Variants in FBXL20 observed in about 807,000 individuals in gnomAD.
FBXL20 encodes the protein F-box/LRR-repeat protein 20.
In FBXL20, 11 loss-of-function variants were observed where a neutral mutation model predicts 64.0. That is an observed-to-expected ratio of 0.17 (90% confidence interval 0.11 to 0.28). The LOEUF is 0.28. Among genes scored for constraint, FBXL20 ranks in the 10% least tolerant of loss-of-function variants. FBXL20 has a pLI of 1.00. For synonymous variants in FBXL20, 184 were observed against 189.0 expected, an observed-to-expected ratio of 0.97 and a Z score of 0.22; for missense variants, 303 against 526.2, an observed-to-expected ratio of 0.58 and a Z score of 4.15.
chr17:39,400,619 A>G (rs2048231897), intron 1 of FBXL20, among the ~76,000 whole-genome samples: 1 of 152,096 alleles, frequency 6.6e-6, no homozygotes, highest in South Asian at 2.1e-4. Flanking sequence ...CAAGATGACT[A>G]CTCTCTAAAG....
intron 1 of FBXL20, among the ~76,000 whole-genome samples, chr17:39,367,670 A>C (rs2047874104): frequency 6.6e-6 from 1 of 151,986 alleles, no homozygotes; most frequent in Non-Finnish European, 1.5e-5. Flanking sequence ...CTTTGACTTT[A>C]CTTCCAAATT....
Position 39,258,433 on chromosome 17 carries a change from C to T in FBXL20, c.*3027G>A, listed in dbSNP as rs1203588753. On this transcript the variant is annotated 3_prime_UTR_variant, in exon 15 of 15. Transcript: ENST00000264658. Reference sequence around the variant, plus strand: ...TTTTCTTGAGAAAGGAACAAGGCTTCTGCCTGACAACATACAAGCCAGTGC... The same window carrying T: ...TTTTCTTGAGAAAGGAACAAGGCTTTTGCCTGACAACATACAAGCCAGTGC... 3 of 152,242 alleles carry T rather than the reference C, an allele frequency of 2.0e-5. No individual in the cohort carries two copies. The highest frequency in any genetic ancestry group is 4.4e-5 in the Non-Finnish European group (3 of 68,054). 9.4% of individuals were successfully genotyped at this position (152,242 alleles called of 1,614,324 possible).
intron 2 of FBXL20, among the ~76,000 whole-genome samples, chr17:39,337,222 G>A (rs964247574): frequency 7.9e-5 from 12 of 152,210 alleles, no homozygotes; most frequent in African/African-American, 2.4e-5. Flanking sequence ...TCCTAACCAC[G>A]AGTGATCCGC....
chr17:39,333,928 G>GT (rs1318371782), intron 2 of FBXL20, among the ~76,000 whole-genome samples: 1 of 151,984 alleles, frequency 6.6e-6, no homozygotes, highest in African/African-American at 2.4e-5. Context: ...CGTCTGGGAA[G>GT]TGAGGAGCCC....
intron 6 of FBXL20, among the ~76,000 whole-genome samples, chr17:39,296,340 C>T (rs1672867495): frequency 6.6e-6 from 1 of 151,916 alleles, no homozygotes; most frequent in Non-Finnish European, 1.5e-5. Flanking sequence ...GTGGGCGGAT[C>T]ACGAGGTCAG....
At chr17:39,344,961 G>A (rs2047618765) in intron 1 of FBXL20, among the ~76,000 whole-genome samples, 1 of 152,010 alleles carries the variant, frequency 6.6e-6, no homozygotes, top group Non-Finnish European at 1.5e-5. Context: ...TACTTTTAAC[G>A]AGAGCCACCA....
chr17:39,340,149 C>T (rs1030768763), intron 2 of FBXL20, among the ~76,000 whole-genome samples: 4 of 151,838 alleles, frequency 2.6e-5, no homozygotes, highest in Admixed American at 1.3e-4. Flanking sequence ...GAGGCTGGAG[C>T]GCGGTGGCGC....
intron 12 of FBXL20, among the ~76,000 whole-genome samples, chr17:39,266,536 G>A (rs987837691): frequency 6.6e-6 from 1 of 152,100 alleles, no homozygotes; most frequent in African/African-American, 2.4e-5. Flanking sequence ...TAGTGGAGAT[G>A]GGGGTTTGCC....
At chr17:39,337,429 G>A (rs1283749022) in intron 2 of FBXL20, among the ~76,000 whole-genome samples, 6 of 151,868 alleles carry the variant, frequency 4.0e-5, no homozygotes, top group Admixed American at 1.3e-4. Context: ...AGTGAGGAGC[G>A]TCTCTGCCTG....
chr17:39,352,141 T>G (rs2047693441), intron 1 of FBXL20, among the ~76,000 whole-genome samples: 1 of 152,294 alleles, frequency 6.6e-6, no homozygotes, highest in Non-Finnish European at 1.5e-5. Flanking sequence ...ATACATTTAT[T>G]TAAATGCTTA....
chr17:39,263,280 C>T (rs1443305116), intron 14 of FBXL20, among the ~76,000 whole-genome samples: 1 of 152,174 alleles, frequency 6.6e-6, no homozygotes. Flanking sequence ...TTCTGAAGGC[C>T]AAGGCAGGCA....
intron 1 of FBXL20, among the ~76,000 whole-genome samples, chr17:39,355,358 A>G (rs1036240878): frequency 4.6e-5 from 7 of 151,740 alleles, no homozygotes; most frequent in African/African-American, 1.7e-4. Flanking sequence ...GATTGCAGGC[A>G]TGAGCCACGA....
At chr17:39,326,224 T>A (rs2047407661) in intron 2 of FBXL20, among the ~76,000 whole-genome samples, 3 of 152,144 alleles carry the variant, frequency 2.0e-5, no homozygotes, top group Admixed American at 2.0e-4. Context: ...CCTCTTTTCT[T>A]TATAAATTAC....
At chr17:39,284,809 A>C (rs538960870) in intron 7 of FBXL20, among the ~76,000 whole-genome samples, 12 of 152,196 alleles carry the variant, frequency 7.9e-5, no homozygotes, top group Non-Finnish European at 1.5e-4. Flanking sequence ...ACCTTGTTAA[A>C]CCTTAATAAA....
At chr17:39,361,670 G>A (rs1019259291) in intron 1 of FBXL20, among the ~76,000 whole-genome samples, 1 of 151,898 alleles carries the variant, frequency 6.6e-6, no homozygotes. Context: ...GGTGGCACGC[G>A]CCTGTAGTCC....
rs550929217 is a variant in FBXL20 at position 39,296,423 on chromosome 17, G to T, written c.398+704C>A. Among the ~76,000 whole-genome samples the T allele has an allele frequency of 3.3e-5, 5 of 152,044 alleles. No individual in the cohort carries two copies. In the South Asian group the frequency reaches 1.0e-3, roughly 32 times the overall value. On this transcript the variant is annotated intron_variant, in intron 6 of 14. Transcript: ENST00000264658. ...AAAATACAAAAAATAAGCCGGGCGT[G>T]GTGGCACGTGCCTGTAGTCCCAGCT...
At chr17:39,384,619 A>C (rs1054292143) in intron 1 of FBXL20, among the ~76,000 whole-genome samples, 1 of 152,124 alleles carries the variant, frequency 6.6e-6, no homozygotes. Context: ...GTGCTAAACT[A>C]TATGTCCAGT....
intron 2 of FBXL20, among the ~76,000 whole-genome samples, chr17:39,311,245 TAAC>T (rs1248989813): frequency 2.0e-5 from 3 of 152,202 alleles, no homozygotes; most frequent in African/African-American, 7.2e-5. Flanking sequence ...TTTTGCTCAG[TAAC>T]AAAACTTTTG....
At position 39,305,239 on chromosome 17, in the gene FBXL20, A is replaced by G. The variant is rs1399337329; in HGVS notation, c.105-1600T>C. Reference sequence around the variant, plus strand: ...TCATTCTAATTTAATAAATTACAAGACTCCTTTAACACAGCAATGTTAGAA... The same window carrying G: ...TCATTCTAATTTAATAAATTACAAGGCTCCTTTAACACAGCAATGTTAGAA... On this transcript the variant is annotated intron_variant, in intron 2 of 14. Coordinates refer to ENST00000264658, the MANE Select transcript of FBXL20 (RefSeq NM_032875.3). Among the ~76,000 whole-genome samples the G allele has an allele frequency of 1.2e-4, 19 of 152,290 alleles. No individual in the cohort carries two copies. The South Asian group carries it at 3.9e-3, about 32-fold the overall frequency.
Sources: gnomAD v4.1 joint callset for allele counts (sites outside exome capture counted in the v4.1 genomes callset) on GRCh38, gnomAD v4.1.1 for gene constraint, MANE v1.5 for transcripts, NCBI Gene and HGNC (gene_info 2026-07-23, HGNC 2026-07-21) for gene names.